DISC1: variants seen among roughly 807,000 people sequenced by gnomAD.
The protein encoded by DISC1 is DISC1 scaffold protein.
DISC1 carries 57 observed loss-of-function variants against 84.5 expected under a neutral mutation model. The observed-to-expected ratio is 0.67, with a 90% CI of 0.55 to 0.84. DISC1 has a LOEUF of 0.84. Ranked by LOEUF, DISC1 falls within the 40% of genes least tolerant of loss-of-function variation. The probability of loss-of-function intolerance (pLI) is 0.00; values close to 1 mark genes in which losing one functional copy is unlikely to be tolerated. For synonymous variants in DISC1, 411 were observed against 415.2 expected, an observed-to-expected ratio of 0.99 and a Z score of 0.12; for missense variants, 1,000 against 1,057.8, an observed-to-expected ratio of 0.95 and a Z score of 0.76.
At chr1:231,984,761 G>T (rs1004168628) in intron 10 of DISC1, among the ~76,000 whole-genome samples, 139 of 152,240 alleles carry the variant, frequency 9.1e-4, no homozygotes, top group African/African-American at 2.9e-3. Flanking sequence ...GTCAAGGGAA[G>T]GTACCAAGAA....
In DISC1 at chr1:231,774,890, A is replaced by T. The variant is rs12566843; in HGVS notation, c.1634+3820A>T. 7.8e-5 allele frequency: 30 copies of T among 383,194 alleles called. No individual in the cohort carries two copies. The East Asian group carries it at 2.0e-3, about 25-fold the overall frequency. 23.7% of individuals were successfully genotyped at this position (383,194 alleles called of 1,614,324 possible). A position where few individuals can be genotyped will look rare whatever the true frequency, so the allele number is the denominator to read the frequency against. On this transcript the variant is annotated intron_variant, in intron 6 of 12. Coordinates refer to ENST00000439617, the MANE Select transcript of DISC1 (RefSeq NM_018662.3). ...CCTGTTAACCTAATTTTTGCTATGA[A>T]GTATTGGTTGTCTTTTAGAAAATGC... is the stretch of plus-strand genomic sequence containing the variant.
At chr1:232,028,342 C>T (rs1669671226) in intron 12 of DISC1, among the ~76,000 whole-genome samples, 1 of 152,112 alleles carries the variant, frequency 6.6e-6, no homozygotes, top group African/African-American at 2.4e-5. Context: ...CTGAGGGCTG[C>T]AGTCAGGGTT....
rs191645492 is a variant in DISC1, at chr1:232,024,619, G to A, written c.2308-1816G>A. 1.4e-3 allele frequency among the ~76,000 whole-genome samples: 218 copies of A among 151,074 alleles called. 1 individual carries two copies. The highest frequency in any genetic ancestry group is 5.1e-3 in the African/African-American group (211 of 41,148). On this transcript the variant is annotated intron_variant, in intron 11 of 12. Transcript: ENST00000439617. ...GCAATTTTTTTTTTTTTGAGACAGC[G>A]TCTTGCTCTGTTGTCCAGGCTGGAG...
At chr1:231,905,844 G>T (rs534542866) in intron 9 of DISC1, among the ~76,000 whole-genome samples, 1 of 151,932 alleles carries the variant, frequency 6.6e-6, no homozygotes, top group Non-Finnish European at 1.5e-5. Flanking sequence ...GTTATATTGT[G>T]GTTATTTAGG....
intron 10 of DISC1, among the ~76,000 whole-genome samples, chr1:231,992,238 A>G (rs78497887): frequency 6.6e-6 from 1 of 152,228 alleles, no homozygotes; most frequent in Non-Finnish European, 1.5e-5. Context: ...ACAGCAAACT[A>G]TACAACTCTC....
chr1:231,810,130 T>C (rs928808000), intron 8 of DISC1, among the ~76,000 whole-genome samples: 18 of 152,322 alleles, frequency 1.2e-4, no homozygotes, highest in Middle Eastern at 3.4e-3. Context: ...GAAAGAGCAG[T>C]TCAGATCACA....
At chr1:231,970,477 T>A (rs1661792626) in intron 10 of DISC1, among the ~76,000 whole-genome samples, 3 of 152,204 alleles carry the variant, frequency 2.0e-5, no homozygotes, top group Admixed American at 1.3e-4. Context: ...TGTGGGCTTG[T>A]CTGGTGAGGG....
intron 3 of DISC1, among the ~76,000 whole-genome samples, chr1:231,715,592 C>CAT (rs1006286413): frequency 6.6e-6 from 1 of 152,204 alleles, no homozygotes; most frequent in East Asian, 1.9e-4. Flanking sequence ...TAGGTTATCA[C>CAT]ATATATATAC....
chr1:231,643,390 C>T (rs2059886743), intron 1 of DISC1, among the ~76,000 whole-genome samples: 1 of 152,162 alleles, frequency 6.6e-6, no homozygotes, highest in East Asian at 1.9e-4. Context: ...GAATGCCATT[C>T]ATGGTGGCTT....
intron 1 of DISC1, among the ~76,000 whole-genome samples, chr1:231,640,820 G>A (rs765976504): frequency 6.6e-6 from 1 of 152,154 alleles, no homozygotes; most frequent in Non-Finnish European, 1.5e-5. Flanking sequence ...ATAGGCATGA[G>A]CCACCACGCT....
intron 4 of DISC1, among the ~76,000 whole-genome samples, chr1:231,762,499 T>TTTTAG: frequency 7.5e-6 from 1 of 132,990 alleles, no homozygotes; most frequent in African/African-American, 2.8e-5. Context: ...TGTGCCTAAT[T>TTTTAG]TTTAGTTTTG....
chr1:231,734,523 G>GCA (rs1434068374), intron 3 of DISC1, among the ~76,000 whole-genome samples: 7 of 151,780 alleles, frequency 4.6e-5, no homozygotes, highest in Non-Finnish European at 7.4e-5. Context: ...ACACGCATGC[G>GCA]CACACACACA....
intron 1 of DISC1, among the ~76,000 whole-genome samples, chr1:231,673,339 G>C (rs1268262173): frequency 6.6e-6 from 1 of 151,804 alleles, no homozygotes; most frequent in African/African-American, 2.4e-5. Context: ...TAAGAAACTG[G>C]GGTCTCTCTC....
At chr1:231,856,863 A>G (rs1457593024) in intron 9 of DISC1, among the ~76,000 whole-genome samples, 1 of 152,206 alleles carries the variant, frequency 6.6e-6, no homozygotes, top group Admixed American at 6.5e-5. Context: ...CCAAAGAAAG[A>G]AGCAGTAAAA....
chr1:231,921,900 G>C (rs1276427989), intron 9 of DISC1, among the ~76,000 whole-genome samples: 5 of 144,424 alleles, frequency 3.5e-5, no homozygotes, highest in South Asian at 2.2e-4. Flanking sequence ...TTATTACATA[G>C]AGTCACCATG....
chr1:231,880,758 G>A (rs144410912), intron 9 of DISC1, among the ~76,000 whole-genome samples: 2 of 2,102 alleles, frequency 9.5e-4, no homozygotes, highest in African/African-American at 7.5e-3. Context: ...AGGCAAGGTG[G>A]GGGGGGGGTG....
chr1:231,830,898 C>T (rs1224107810), intron 9 of DISC1, among the ~76,000 whole-genome samples: 2 of 152,032 alleles, frequency 1.3e-5, no homozygotes, highest in South Asian at 2.1e-4. Context: ...GACGGAGGAC[C>T]GTAAGGGATA....
intron 1 of DISC1, among the ~76,000 whole-genome samples, chr1:231,661,835 T>C (rs948481255): frequency 1.3e-5 from 2 of 152,238 alleles, no homozygotes; most frequent in Non-Finnish European, 2.9e-5. Context: ...CTCTGGCTTT[T>C]TGAGTTTTCA....
intron 10 of DISC1, among the ~76,000 whole-genome samples, chr1:231,981,320 C>T (rs1558804445): frequency 2.0e-5 from 3 of 152,048 alleles, no homozygotes; most frequent in African/African-American, 7.3e-5. Flanking sequence ...TTGTCTATAC[C>T]AGTGGCATGC....
Sources: gnomAD v4.1 joint callset for allele counts (sites outside exome capture counted in the v4.1 genomes callset) on GRCh38, gnomAD v4.1.1 for gene constraint, MANE v1.5 for transcripts, NCBI Gene and HGNC (gene_info 2026-07-23, HGNC 2026-07-21) for gene names.